Variants in THUMPD2 observed in about 807,000 individuals in gnomAD.
The protein encoded by THUMPD2 is U6 snRNA (guanine-N(2))-methyltransferase THUMPD2.
THUMPD2 carries 56 observed loss-of-function variants against 49.4 expected under a neutral mutation model. The ratio of observed to expected loss-of-function variants is 1.13; its 90% confidence interval spans 0.91 to 1.41. THUMPD2 has a LOEUF of 1.41. THUMPD2 is among the 40% of genes most tolerant of loss of function. THUMPD2 has a pLI of 0.00. For synonymous variants in THUMPD2, 237 were observed against 205.2 expected, an observed-to-expected ratio of 1.15 and a Z score of -1.32; for missense variants, 709 against 594.5, an observed-to-expected ratio of 1.19 and a Z score of -2.00.
Position 39,736,871 on chromosome 2 carries a change from T to C in THUMPD2, c.1376A>G (p.Glu459Gly), listed in dbSNP as rs1673148597. Residue 459 changes from glutamate to glycine, a missense_variant, in exon 10 of 10, where the codon GAA becomes GGA. Coordinates refer to ENST00000505747, the MANE Select transcript of THUMPD2 (RefSeq NM_025264.5). ...GTCTAAGAATTTGTGGTTACTGGCT[T>C]CGAATGAAGTTGACGCTGTCTTGAA... is the stretch of plus-strand genomic sequence containing the variant. ...GAFKTASTSF[E>G]ASNHKFLDRM... The C allele has an allele frequency of 6.2e-7, 1 of 1,614,238 alleles. No homozygotes were observed. Among genetic ancestry groups the C allele is most frequent in the African/African-American group, 1.3e-5 (1 of 75,070 alleles).
intron 8 of THUMPD2, among the ~76,000 whole-genome samples, chr2:39,753,572 G>C (rs574640942): frequency 6.6e-6 from 1 of 152,230 alleles, no homozygotes; most frequent in East Asian, 1.9e-4. Context: ...TCTTCACTTA[G>C]AGTCTAATAA....
At chr2:39,760,577 C>T (rs1202763456) in intron 6 of THUMPD2, among the ~76,000 whole-genome samples, 1 of 151,996 alleles carries the variant, frequency 6.6e-6, no homozygotes, top group African/African-American at 2.4e-5. Context: ...ACTGAATTCT[C>T]TCACTGAAAG....
intron 9 of THUMPD2, 132 bp from the exon 10 acceptor site, chr2:39,737,191 T>A: frequency 3.7e-6 from 3 of 812,484 alleles, no homozygotes; most frequent in Non-Finnish European, 5.6e-6. Flanking sequence ...GGATTTTTGA[T>A]AATTAGGTAG....
chr2:39,757,237 C>T, intron 6 of THUMPD2: 1 of 486,746 alleles, frequency 2.1e-6, no homozygotes. Flanking sequence ...GAGGAGCAAG[C>T]AGGAACGTAC....
chr2:39,771,708 G>A (rs969937779), intron 1 of THUMPD2, 68 bp from the exon 2 acceptor site: 2 of 1,451,374 alleles, frequency 1.4e-6, no homozygotes, highest in Admixed American at 4.8e-5. Context: ...TTTCCCTCAA[G>A]ATATAGCATC....
In THUMPD2 at chr2:39,738,810, G is replaced by A. The variant is rs576463127; in HGVS notation, c.1188-1751C>T. 4.6e-5 allele frequency among the ~76,000 whole-genome samples: 7 copies of A among 152,030 alleles called. No individual in the cohort carries two copies. The East Asian group carries it at 5.8e-4, about 13-fold the overall frequency. ...TAGCTGAAGGCAGGAGCAGATGCTC[G>A]TCTGCCAGGGTAGAGTGGGGCTGGA... On this transcript the variant is annotated intron_variant, in intron 9 of 9. Transcript: ENST00000505747.
chr2:39,747,479 C>G (rs1340369299), intron 8 of THUMPD2, among the ~76,000 whole-genome samples: 3 of 152,102 alleles, frequency 2.0e-5, no homozygotes, highest in Non-Finnish European at 2.9e-5. Flanking sequence ...GGTCACCATA[C>G]AGTTTATAGT....
At chr2:39,778,390 C>T (rs1679394434) in intron 1 of THUMPD2, among the ~76,000 whole-genome samples, 1 of 152,242 alleles carries the variant, frequency 6.6e-6, no homozygotes, top group Non-Finnish European at 1.5e-5. Context: ...GCTTCCCACA[C>T]TGTAGGAGCT....
At chr2:39,747,560 CTTTGAAATA>C (rs1239215569) in intron 8 of THUMPD2, among the ~76,000 whole-genome samples, 3 of 151,724 alleles carry the variant, frequency 2.0e-5, no homozygotes, top group African/African-American at 4.9e-5. Context: ...AAATTATATG[CTTTGAAATA>C]TTTGAAATAT....
intron 4 of THUMPD2, among the ~76,000 whole-genome samples, chr2:39,766,579 A>G (rs76049518): frequency 0.016 from 2,394 of 152,314 alleles, 46 homozygotes; most frequent in East Asian, 0.069. Flanking sequence ...TGTTTTCTCT[A>G]TAAGTTTCTG....
chr2:39,753,904 C>T (rs1002579796), intron 8 of THUMPD2, among the ~76,000 whole-genome samples: 1 of 152,156 alleles, frequency 6.6e-6, no homozygotes, highest in Non-Finnish European at 1.5e-5. Flanking sequence ...AAGAGGAATC[C>T]TTTCAAAACT....
At chr2:39,778,302 A>T (rs570952227) in intron 1 of THUMPD2, among the ~76,000 whole-genome samples, 1 of 152,372 alleles carries the variant, frequency 6.6e-6, no homozygotes, top group East Asian at 1.9e-4. Context: ...GACCCAAAAC[A>T]CAAGTGGCAG....
intron 9 of THUMPD2, 62 bp from the exon 10 acceptor site, chr2:39,737,121 C>T: frequency 7.0e-7 from 1 of 1,432,932 alleles, no homozygotes; most frequent in Non-Finnish European, 9.4e-7. Context: ...AACAATCCCA[C>T]TTCATTTAAA....
intron 9 of THUMPD2, among the ~76,000 whole-genome samples, chr2:39,740,603 T>A (rs920965219): frequency 6.6e-6 from 1 of 152,194 alleles, no homozygotes; most frequent in African/African-American, 2.4e-5. Flanking sequence ...CATACGCACA[T>A]AATTTCTTTT....
At chr2:39,771,836 C>T (rs910828481) in intron 1 of THUMPD2, among the ~76,000 whole-genome samples, 196 bp from the exon 2 acceptor site, 1 of 152,040 alleles carries the variant, frequency 6.6e-6, no homozygotes, top group East Asian at 1.9e-4. Context: ...AAGGTAGATT[C>T]GATCACCACC....
At chr2:39,755,572 A>G (rs1479195351) in intron 7 of THUMPD2, among the ~76,000 whole-genome samples, 163 bp from the exon 8 acceptor site, 6 of 152,218 alleles carry the variant, frequency 3.9e-5, no homozygotes, top group Admixed American at 6.5e-5. Flanking sequence ...GTAGCAAAAA[A>G]TGTAAAGTTT....
chr2:39,778,037 T>C lies in THUMPD2; in HGVS notation c.126+1077A>G, dbSNP rs114510413. Among the ~76,000 whole-genome samples, 226 of 152,300 alleles carry C rather than the reference T, an allele frequency of 1.5e-3. 1 individual carries two copies. Among genetic ancestry groups the C allele is most frequent in the Non-Finnish European group, 1.7e-3 (115 of 68,032 alleles). ...TCATTCTTGATTTCCCAGCTCGGGTTTGAATCCCATCTTTGCGATTTTCTA... is the reference window on the plus strand; with the variant it reads ...TCATTCTTGATTTCCCAGCTCGGGTCTGAATCCCATCTTTGCGATTTTCTA... On this transcript the variant is annotated intron_variant, in intron 1 of 9. Transcript: ENST00000505747.
intron 8 of THUMPD2, among the ~76,000 whole-genome samples, chr2:39,754,684 T>C (rs1026542876): frequency 3.3e-5 from 5 of 152,246 alleles, no homozygotes; most frequent in African/African-American, 4.8e-5. Context: ...ATTATTTTGA[T>C]TGGCCTCAAT....
Position 39,771,739 on chromosome 2 carries a change from C to T in THUMPD2, c.127-99G>A. On this transcript the variant is annotated intron_variant, in intron 1 of 9. Coordinates refer to ENST00000505747, the MANE Select transcript of THUMPD2 (RefSeq NM_025264.5). Reference sequence around the variant, plus strand: ...GCATCTAAATTAAAAATAAAAATAACCATTTCTGAAGTATCTACTATTTGT... The same window carrying T: ...GCATCTAAATTAAAAATAAAAATAATCATTTCTGAAGTATCTACTATTTGT... 4.8e-6 allele frequency: 6 copies of T among 1,262,206 alleles called. No homozygotes were observed. In the South Asian group the frequency reaches 8.4e-5, roughly 18 times the overall value. The allele number at this position is 1,262,206 out of a possible 1,614,324, so 78.2% of individuals were successfully genotyped here. A position where few individuals can be genotyped will look rare whatever the true frequency, so the allele number is the denominator to read the frequency against.
Sources: gnomAD v4.1 joint callset for allele counts (sites outside exome capture counted in the v4.1 genomes callset) on GRCh38, gnomAD v4.1.1 for gene constraint, MANE v1.5 for transcripts, NCBI Gene and HGNC (gene_info 2026-07-23, HGNC 2026-07-21) for gene names.